The following PACRG variants were observed in gnomAD, a reference collection of about 807,000 sequenced individuals.
PACRG encodes the protein parkin coregulated gene protein.
Under a neutral mutation model 29.7 loss-of-function variants are expected in PACRG, and 29 were observed. That is an observed-to-expected ratio of 0.98 (90% CI 0.73 to 1.33). The LOEUF is 1.33. PACRG is among the 40% of genes most tolerant of loss of function. PACRG has a pLI of 0.00. For synonymous variants in PACRG, 116 were observed against 118.7 expected, an observed-to-expected ratio of 0.98 and a Z score of 0.15; for missense variants, 279 against 316.2, an observed-to-expected ratio of 0.88 and a Z score of 0.89.
intron 4 of PACRG, among the ~76,000 whole-genome samples, chr6:163,206,800 T>C (rs1477771991): frequency 1.3e-5 from 1 of 78,120 alleles, no homozygotes; most frequent in Non-Finnish European, 2.4e-5. Flanking sequence ...CAGAGAAGCT[T>C]TGTCACAAGT....
chr6:163,223,412 A>C (rs950351008), intron 4 of PACRG, among the ~76,000 whole-genome samples: 1 of 152,138 alleles, frequency 6.6e-6, no homozygotes, highest in Non-Finnish European at 1.5e-5. Flanking sequence ...AAAAATAAAA[A>C]ATAAAAGAAT....
chr6:162,900,067 C>G (rs948022131), intron 2 of PACRG, among the ~76,000 whole-genome samples: 1 of 151,930 alleles, frequency 6.6e-6, no homozygotes, highest in African/African-American at 2.4e-5. Context: ...ATGGTCAGAC[C>G]GGAACATCGT....
chr6:162,897,181 T>G (rs909314865), intron 2 of PACRG, among the ~76,000 whole-genome samples: 1 of 152,144 alleles, frequency 6.6e-6, no homozygotes, highest in Non-Finnish European at 1.5e-5. Context: ...AATTTGGAAT[T>G]CCCCAAAAAA....
At chr6:163,081,511 C>G (rs531916123) in intron 3 of PACRG, among the ~76,000 whole-genome samples, 32 of 152,278 alleles carry the variant, frequency 2.1e-4, no homozygotes, top group Middle Eastern at 3.4e-3. Flanking sequence ...AATCCCAACA[C>G]TTTGGAAGGC....
In PACRG at chr6:162,728,280, C is replaced by G. The variant is rs756750462; in HGVS notation, c.45C>G (p.Asp15Glu). 44 of 1,613,982 alleles carry G rather than the reference C, an allele frequency of 2.7e-5. No individual in the cohort carries two copies. Among genetic ancestry groups the G allele is most frequent in the Non-Finnish European group, 3.7e-5 (44 of 1,180,022 alleles). ...KETLSLNKCP[D>E]KMPKRTKLLA... The stretch of plus-strand genomic sequence containing the variant: ...CCCTGAGCTTAAACAAATGCCCAGA[C>G]AAGATGCCGAAGAGGACCAAGCTGC... The change falls in exon 1 of 5, where the codon GAC (aspartate) becomes GAG (glutamate). Residue 15 changes from aspartate to glutamate, a missense_variant. Transcript: ENST00000366888.
chr6:163,024,266 C>A (rs933571381), intron 2 of PACRG, among the ~76,000 whole-genome samples: 2 of 152,112 alleles, frequency 1.3e-5, no homozygotes, highest in Admixed American at 6.5e-5. Context: ...GATAGGGGTC[C>A]AGATTCAATC....
chr6:162,933,991 C>T (rs574434010), intron 2 of PACRG, among the ~76,000 whole-genome samples: 11 of 152,198 alleles, frequency 7.2e-5, no homozygotes, highest in South Asian at 4.2e-4. Flanking sequence ...CAACTGGGCG[C>T]GGTGGCTCAC....
intron 1 of PACRG, among the ~76,000 whole-genome samples, chr6:162,796,939 A>C (rs907535914): frequency 2.0e-5 from 3 of 152,214 alleles, no homozygotes; most frequent in Non-Finnish European, 4.4e-5. Context: ...TTTCCTCAAG[A>C]GTGGTTCATA....
At chr6:162,757,591 C>G (rs753451272) in intron 1 of PACRG, among the ~76,000 whole-genome samples, 8 of 152,046 alleles carry the variant, frequency 5.3e-5, no homozygotes, top group Non-Finnish European at 2.9e-5. Flanking sequence ...ACATGTAATC[C>G]CAGCTACTTG....
At chr6:162,873,371 A>G (rs1792997665) in intron 2 of PACRG, among the ~76,000 whole-genome samples, 1 of 152,176 alleles carries the variant, frequency 6.6e-6, no homozygotes, top group Non-Finnish European at 1.5e-5. Flanking sequence ...TTTTAGTGGT[A>G]GGAGTTATTT....
At chr6:162,727,232 A>G (rs1336138310), upstream of PACRG, 1 of 177,874 alleles carries the variant, frequency 5.6e-6, no homozygotes, top group East Asian at 1.5e-4. Context: ...AGCCCCACAG[A>G]GAGTGGGTCT....
intron 4 of PACRG, among the ~76,000 whole-genome samples, chr6:163,197,650 C>T (rs1562959441): frequency 6.6e-6 from 1 of 151,700 alleles, no homozygotes; most frequent in Non-Finnish European, 1.5e-5. Context: ...GGGGTTTCAC[C>T]GTGTTAGCCA....
chr6:163,225,156 C>T (rs35417869), intron 4 of PACRG, among the ~76,000 whole-genome samples: 42,409 of 152,132 alleles, frequency 0.28, 6,941 homozygotes, highest in East Asian at 0.6. Flanking sequence ...TATCTCTTCA[C>T]ACCTATTAGA....
intron 4 of PACRG, among the ~76,000 whole-genome samples, chr6:163,238,189 G>GA (rs1432654084): frequency 3.3e-5 from 5 of 152,110 alleles, no homozygotes; most frequent in African/African-American, 4.8e-5. Context: ...TGGTCAAAGT[G>GA]TCATATTCCT....
chr6:163,053,414 A>T (rs1810231243), intron 2 of PACRG, among the ~76,000 whole-genome samples: 1 of 152,144 alleles, frequency 6.6e-6, no homozygotes, highest in African/African-American at 2.4e-5. Context: ...ATATGGACAG[A>T]TTTTAATATG....
intron 4 of PACRG, among the ~76,000 whole-genome samples, chr6:163,133,892 G>A (rs940434860): frequency 6.6e-6 from 1 of 152,098 alleles, no homozygotes; most frequent in Non-Finnish European, 1.5e-5. Flanking sequence ...AATTTTAAAC[G>A]TAAACATTTA....
At chr6:162,845,905 C>G (rs1335239085) in intron 2 of PACRG, among the ~76,000 whole-genome samples, 1 of 152,166 alleles carries the variant, frequency 6.6e-6, no homozygotes, top group African/African-American at 2.4e-5. Flanking sequence ...CATTTCCCAG[C>G]ATCATTAGAG....
At chr6:163,149,236 G>A (rs1777966898) in intron 4 of PACRG, among the ~76,000 whole-genome samples, 1 of 152,056 alleles carries the variant, frequency 6.6e-6, no homozygotes, top group South Asian at 2.1e-4. Flanking sequence ...CAGAGCTTCC[G>A]GAGGGGACGC....
intron 4 of PACRG, among the ~76,000 whole-genome samples, chr6:163,290,153 C>A (rs1784538095): frequency 6.6e-6 from 1 of 152,156 alleles, no homozygotes; most frequent in Admixed American, 6.5e-5. Flanking sequence ...AGCCACCACG[C>A]CCGGCCTCAG....
Sources: gnomAD v4.1 joint callset for allele counts (sites outside exome capture counted in the v4.1 genomes callset) on GRCh38, gnomAD v4.1.1 for gene constraint, MANE v1.5 for transcripts, NCBI Gene and HGNC (gene_info 2026-07-23, HGNC 2026-07-21) for gene names.